Variants in MTMR3 observed in about 807,000 individuals in gnomAD.
MTMR3 encodes the protein myotubularin related protein 3, also known as phosphatidylinositol-3,5-bisphosphate 3-phosphatase MTMR3.
Under a neutral mutation model 132.4 loss-of-function variants are expected in MTMR3, and 32 were observed. That is an observed-to-expected ratio of 0.24 (90% confidence interval 0.18 to 0.32). MTMR3 has a LOEUF of 0.32. Ranked by LOEUF, MTMR3 falls within the 10% of genes least tolerant of loss-of-function variation. MTMR3 has a pLI of 1.00. For synonymous variants in MTMR3, 556 were observed against 550.3 expected (o/e 1.01, Z -0.14); for missense variants, 1,216 against 1,489.6 (o/e 0.82, Z 3.02).
Position 30,019,787 on chromosome 22 carries a change from G to T in MTMR3, c.2128G>T (p.Ala710Ser), listed in dbSNP as rs755541019. ...ESGVEEPAHR[A>S]GIEIQEGKED... ...TGGAGTAGAGGAACCTGCCCACAGG[G>T]CAGGCATTGAGATACAGGAGGGTAA... The change falls in exon 17 of 20, where the codon GCA becomes TCA. Residue 710 changes from alanine (A) to serine (S), a missense_variant. By Grantham distance (99) the Ala-to-Ser change is moderately conservative. This residue lies in a region of MTMR3 where 852 missense variants were observed against 852.0 expected (regional missense o/e 1.00). Coordinates refer to ENST00000401950, the MANE Select transcript of MTMR3 (RefSeq NM_021090.4). 1 of 1,614,094 alleles carries T rather than the reference G, an allele frequency of 6.2e-7. No individual in the cohort carries two copies. The highest frequency in any genetic ancestry group is 1.7e-5 in the Admixed American group (1 of 60,006).
intron 4 of MTMR3, 83 bp downstream of exon 4, chr22:29,978,614 C>CTA: frequency 1.0e-6 from 1 of 983,514 alleles, no homozygotes; most frequent in Non-Finnish European, 1.5e-6. Context: ...GTGTAACGTA[C>CTA]TATATTATAT....
intron 1 of MTMR3, among the ~76,000 whole-genome samples, chr22:29,929,841 C>A (rs2065606121): frequency 6.6e-6 from 1 of 152,112 alleles, no homozygotes; most frequent in Non-Finnish European, 1.5e-5. Flanking sequence ...TGGAAATGCT[C>A]AACTCTTTTT....
intron 1 of MTMR3, among the ~76,000 whole-genome samples, chr22:29,927,528 A>G (rs1199278321): frequency 6.6e-6 from 1 of 152,160 alleles, no homozygotes; most frequent in Non-Finnish European, 1.5e-5. Flanking sequence ...AATATTTTGT[A>G]GTTTTAAAAC....
chr22:30,007,355 A>G (rs1414426743), intron 10 of MTMR3, 36 bp downstream of exon 10: 31 of 1,595,188 alleles, frequency 1.9e-5, no homozygotes, highest in Non-Finnish European at 2.6e-5. Context: ...AATGATTTTT[A>G]TAGCATCTAA....
At position 30,007,885 on chromosome 22, in the gene MTMR3, C is replaced by T. The variant is rs1169013780; in HGVS notation, c.878-16C>T. ...GACAGGCTCATTTAGTATGCCCTCT[C>T]CCTCTGTGTCCCTAGATTCTTCTCT... On this transcript the variant is annotated splice_polypyrimidine_tract_variant and intron_variant, in intron 10 of 19. Transcript: ENST00000401950. 1.2e-6 allele frequency: 2 copies of T among 1,613,326 alleles called. No individual in the cohort carries two copies. Among genetic ancestry groups the T allele is most frequent in the Non-Finnish European group, 1.7e-6 (2 of 1,179,802 alleles).
At chr22:29,974,865 G>A (rs182249171) in intron 3 of MTMR3, among the ~76,000 whole-genome samples, 1 of 152,298 alleles carries the variant, frequency 6.6e-6, no homozygotes. Context: ...ATACTTTTAT[G>A]TAAGATTTTT....
chr22:29,965,481 T>C (rs1260020480), intron 2 of MTMR3, among the ~76,000 whole-genome samples: 1 of 152,114 alleles, frequency 6.6e-6, no homozygotes, highest in Non-Finnish European at 1.5e-5. Context: ...GGCCAGAAAT[T>C]TGAGACCAGC....
chr22:29,906,215 A>G (rs1238701848), intron 1 of MTMR3, among the ~76,000 whole-genome samples: 2 of 151,996 alleles, frequency 1.3e-5, no homozygotes, highest in Non-Finnish European at 2.9e-5. Context: ...CTGTACACAA[A>G]TATATTTGTC....
intron 1 of MTMR3, among the ~76,000 whole-genome samples, chr22:29,900,818 A>G (rs966257457): frequency 1.3e-5 from 2 of 152,120 alleles, no homozygotes; most frequent in African/African-American, 4.8e-5. Context: ...GGCTCAAGTC[A>G]TACTCCTGCC....
intron 1 of MTMR3, among the ~76,000 whole-genome samples, chr22:29,923,760 T>C (rs9625886): frequency 0.1 from 15,821 of 152,136 alleles, 846 homozygotes; most frequent in Middle Eastern, 0.14. Flanking sequence ...CATGACCTTA[T>C]TTAACCTTAA....
chr22:29,935,388 G>T (rs894060981), intron 1 of MTMR3, among the ~76,000 whole-genome samples: 2 of 152,154 alleles, frequency 1.3e-5, no homozygotes, highest in African/African-American at 4.8e-5. Context: ...CCTGAATTGG[G>T]TTTTGAGACA....
chr22:29,952,410 G>GT (rs908422204), intron 1 of MTMR3, among the ~76,000 whole-genome samples: 79 of 91,952 alleles, frequency 8.6e-4, no homozygotes, highest in South Asian at 1.3e-3. Context: ...GTGTGTGTGT[G>GT]TTTTTTTTTT....
chr22:29,972,651 A>G (rs892829636), intron 3 of MTMR3, among the ~76,000 whole-genome samples: 1 of 152,018 alleles, frequency 6.6e-6, no homozygotes, highest in African/African-American at 2.4e-5. Context: ...GCTCACTGCA[A>G]CCTCCACCTA....
At chr22:29,922,258 A>G (rs1238067370) in intron 1 of MTMR3, among the ~76,000 whole-genome samples, 1 of 152,070 alleles carries the variant, frequency 6.6e-6, no homozygotes, top group African/African-American at 2.4e-5. Flanking sequence ...ACCTCAGGTG[A>G]TTCTCCTGCC....
chr22:29,897,199 C>G (rs2064918998), intron 1 of MTMR3, among the ~76,000 whole-genome samples: 1 of 151,574 alleles, frequency 6.6e-6, no homozygotes, highest in Non-Finnish European at 1.5e-5. Context: ...ACCTCAGCTT[C>G]CCGAGTAGCT....
chr22:29,991,037 T>C (rs2066951115), intron 6 of MTMR3: 1 of 152,884 alleles, frequency 6.5e-6, no homozygotes, highest in South Asian at 2.1e-4. Flanking sequence ...TGATTTGTCC[T>C]AATAGCTAAA....
intron 2 of MTMR3, among the ~76,000 whole-genome samples, chr22:29,963,464 A>G (rs1236455761): frequency 6.9e-6 from 1 of 145,402 alleles, no homozygotes; most frequent in Non-Finnish European, 1.5e-5. Context: ...ATCTCGGCTC[A>G]CTGCAACCTC....
chr22:29,927,076 G>A (rs186869915), intron 1 of MTMR3, among the ~76,000 whole-genome samples: 222 of 152,250 alleles, frequency 1.5e-3, no homozygotes, highest in African/African-American at 4.8e-3. Context: ...TCCCACCACC[G>A]TTTGTTGAAA....
intron 1 of MTMR3, among the ~76,000 whole-genome samples, chr22:29,902,585 T>G (rs5763592): frequency 0.29 from 44,372 of 151,836 alleles, 7,627 homozygotes; most frequent in East Asian, 0.61. Flanking sequence ...GCCAGGCTGG[T>G]CTTGAACTCC....
Sources: gnomAD v4.1 joint callset for allele counts (sites outside exome capture counted in the v4.1 genomes callset) on GRCh38, gnomAD v4.1.1 for gene constraint, gnomAD v4.1.1 regional missense constraint, MANE v1.5 for transcripts, NCBI Gene and HGNC (gene_info 2026-07-23, HGNC 2026-07-21) for gene names.